The following FMN1 variants were observed in gnomAD, a reference collection of about 807,000 sequenced individuals.
FMN1 encodes the protein formin 1.
In FMN1, 110 loss-of-function variants were observed where a neutral mutation model predicts 132.4. The observed-to-expected ratio is 0.83, with a 90% confidence interval of 0.71 to 0.97. The LOEUF is 0.97. Among genes scored for constraint, FMN1 ranks in the 50% least tolerant of loss-of-function variants. FMN1 has a pLI of 0.00. For missense variants in FMN1, 1,792 were observed against 1,705.3 expected, an observed-to-expected ratio of 1.05 and a Z score of -0.90; for synonymous variants, 722 against 651.7, an observed-to-expected ratio of 1.11 and a Z score of -1.64.
At chr15:33,159,749 A>G (rs1964814011) in intron 3 of FMN1, among the ~76,000 whole-genome samples, 1 of 152,228 alleles carries the variant, frequency 6.6e-6, no homozygotes, top group South Asian at 2.1e-4. Context: ...TGCCTGAAAC[A>G]TGGCAGTGAA....
chr15:33,140,201 C>CACAT (rs1424418318), intron 4 of FMN1, among the ~76,000 whole-genome samples: 1 of 83,590 alleles, frequency 1.2e-5, no homozygotes, highest in Non-Finnish European at 3.5e-5. Flanking sequence ...TAAACACACA[C>CACAT]ACACACACAC....
chr15:32,854,951 C>T (rs570733446), intron 17 of FMN1, among the ~76,000 whole-genome samples: 9 of 151,214 alleles, frequency 6.0e-5, no homozygotes, highest in Admixed American at 2.0e-4. Flanking sequence ...AAAAAGAGCT[C>T]GTTGTATTCA....
intron 16 of FMN1, among the ~76,000 whole-genome samples, chr15:32,869,688 C>T (rs2059470234): frequency 6.6e-6 from 1 of 152,032 alleles, no homozygotes; most frequent in African/African-American, 2.4e-5. Context: ...GGCATGTGCA[C>T]AGTGGAGGAG....
intron 7 of FMN1, among the ~76,000 whole-genome samples, chr15:33,005,938 A>C (rs1224226526): frequency 1.3e-5 from 2 of 152,064 alleles, no homozygotes; most frequent in African/African-American, 4.8e-5. Flanking sequence ...GTACTTTTCC[A>C]CTTTTTTGTT....
At chr15:32,910,904 C>T (rs1273660221) in intron 10 of FMN1, among the ~76,000 whole-genome samples, 1 of 152,176 alleles carries the variant, frequency 6.6e-6, no homozygotes, top group African/African-American at 2.4e-5. Context: ...ACCTAATGCA[C>T]CAGAACTGAC....
chr15:33,043,128 C>T (rs966966911), intron 6 of FMN1, among the ~76,000 whole-genome samples: 10 of 152,166 alleles, frequency 6.6e-5, no homozygotes, highest in Admixed American at 2.6e-4. Flanking sequence ...CCCTGGTTAG[C>T]GCTATGTAGT....
intron 5 of FMN1, among the ~76,000 whole-genome samples, chr15:33,084,027 C>A (rs184465050): frequency 6.6e-6 from 1 of 152,142 alleles, no homozygotes; most frequent in African/African-American, 2.4e-5. Context: ...AGGGGAGGGA[C>A]CCTCAATTCC....
intron 6 of FMN1, among the ~76,000 whole-genome samples, chr15:33,026,683 T>C (rs2597100): frequency 0.39 from 59,839 of 151,750 alleles, 12,104 homozygotes; most frequent in Admixed American, 0.48. Context: ...TGACAGAGCC[T>C]TTTATTTAAA....
chr15:33,155,399 C>T (rs777488482), intron 3 of FMN1, among the ~76,000 whole-genome samples: 11 of 152,148 alleles, frequency 7.2e-5, no homozygotes, highest in Non-Finnish European at 7.3e-5. Context: ...CCCAGAAGTC[C>T]TTATCTAGGG....
At chr15:33,098,203 T>TA (rs1595465448) in intron 4 of FMN1, among the ~76,000 whole-genome samples, 1 of 152,204 alleles carries the variant, frequency 6.6e-6, no homozygotes, top group Admixed American at 6.5e-5. Context: ...GGAACACAGC[T>TA]AATTCAATAA....
chr15:33,112,706 A>AT (rs2039757339), intron 4 of FMN1, among the ~76,000 whole-genome samples: 1 of 152,174 alleles, frequency 6.6e-6, no homozygotes, highest in African/African-American at 2.4e-5. Context: ...TGAGTACGTG[A>AT]TAACAGTCAC....
At chr15:33,032,281 T>TCC (rs1409121561) in intron 6 of FMN1, among the ~76,000 whole-genome samples, 2 of 152,110 alleles carry the variant, frequency 1.3e-5, no homozygotes, top group African/African-American at 4.8e-5. Context: ...ATTCGTTGAA[T>TCC]CCCCCTCCAA....
chr15:32,820,721 A>G (rs1374618812), intron 17 of FMN1, among the ~76,000 whole-genome samples: 1 of 152,224 alleles, frequency 6.6e-6, no homozygotes, highest in African/African-American at 2.4e-5. Flanking sequence ...GTATAATTTA[A>G]TACTACGAAG....
At chr15:32,802,034 T>C (rs2057498811) in intron 18 of FMN1, among the ~76,000 whole-genome samples, 1 of 152,248 alleles carries the variant, frequency 6.6e-6, no homozygotes, top group African/African-American at 2.4e-5. Context: ...AGGAGAATTT[T>C]CTCTAATATA....
rs775169031 is a variant in FMN1, at chr15:32,798,833, T to A, written c.4101A>T (p.Lys1367Asn). The change falls in exon 19 of 21, where the codon AAA (lysine) becomes AAT (asparagine). Residue 1367 changes from lysine (K) to asparagine (N), a missense_variant. Lys to Asn is a moderately conservative substitution (Grantham distance 94, BLOSUM62 0). Around this residue, in one of 3 missense-constraint regions of FMN1, gnomAD observed 1,150 missense variants for 1,043.1 expected, o/e 1.10. Transcript: ENST00000616417. The part of the protein sequence containing the change: ...EFCSDFKTIW[K>N]RESKNISKER... Reference sequence around the variant, plus strand: ...CTTTAGATATGTTTTTACTCTCCCGTTTCCAAATTGTCTTGAAGTCACTGC... The same window carrying A: ...CTTTAGATATGTTTTTACTCTCCCGATTCCAAATTGTCTTGAAGTCACTGC... The A allele has an allele frequency of 1.2e-6, 2 of 1,613,470 alleles. No individual in the cohort carries two copies. Among genetic ancestry groups the A allele is most frequent in the Non-Finnish European group, 1.7e-6 (2 of 1,179,696 alleles).
chr15:33,003,949 A>T (rs28807386), intron 7 of FMN1, among the ~76,000 whole-genome samples: 7 of 152,122 alleles, frequency 4.6e-5, no homozygotes, highest in South Asian at 2.1e-4. Context: ...GGGGAAAGGA[A>T]TCCCTATTTA....
intron 9 of FMN1, among the ~76,000 whole-genome samples, chr15:32,928,578 CA>C (rs1567409940): frequency 3.3e-5 from 5 of 152,028 alleles, no homozygotes; most frequent in Non-Finnish European, 5.9e-5. Context: ...GCTGTAGAGT[CA>C]AAAAGGCAAA....
chr15:32,774,121 C>T lies in FMN1; in HGVS notation c.*189G>A. Reference sequence around the variant, plus strand: ...TTCCCTTAAATAGTTTTCCATTGTTCCTGCGGCTTAATGAGGGACTTCTTA... The same window carrying T: ...TTCCCTTAAATAGTTTTCCATTGTTTCTGCGGCTTAATGAGGGACTTCTTA... On this transcript the variant is annotated 3_prime_UTR_variant, in exon 21 of 21. Coordinates refer to ENST00000616417, the MANE Select transcript of FMN1 (RefSeq NM_001277313.2). The T allele has an allele frequency of 1.7e-6, 1 of 601,992 alleles. No homozygotes were observed. Among genetic ancestry groups the T allele is most frequent in the Non-Finnish European group, 2.9e-6 (1 of 340,796 alleles). The allele number at this position is 601,992 out of a possible 1,614,324, so 37.3% of individuals were successfully genotyped here.
At chr15:32,967,960 C>T (rs139993259) in intron 8 of FMN1, among the ~76,000 whole-genome samples, 2,201 of 152,356 alleles carry the variant, frequency 0.014, 51 homozygotes, top group African/African-American at 0.05. Flanking sequence ...TGTCCTCCTT[C>T]CAGGCTCAGA....
Sources: gnomAD v4.1 joint callset for allele counts (sites outside exome capture counted in the v4.1 genomes callset) on GRCh38, gnomAD v4.1.1 for gene constraint, gnomAD v4.1.1 regional missense constraint, MANE v1.5 for transcripts, NCBI Gene and HGNC (gene_info 2026-07-23, HGNC 2026-07-21) for gene names.